Variants in DNM3 observed in about 807,000 individuals in gnomAD.
DNM3 encodes the protein dynamin 3, also known as dynamin-3.
DNM3 carries 47 observed loss-of-function variants against 101.6 expected under a neutral mutation model. That is an observed-to-expected ratio of 0.46 (90% CI 0.37 to 0.59). The LOEUF (loss-of-function observed/expected upper bound fraction) is 0.59. Ranked by LOEUF, DNM3 falls within the 20% of genes least tolerant of loss-of-function variation. DNM3 has a pLI of 0.00. For synonymous variants in DNM3, 385 were observed against 387.9 expected (o/e 0.99, Z 0.09); for missense variants, 849 against 1,085.7 (o/e 0.78, Z 3.06).
At chr1:172,201,123 G>C (rs1026116728) in intron 14 of DNM3, among the ~76,000 whole-genome samples, 1 of 152,122 alleles carries the variant, frequency 6.6e-6, no homozygotes, top group Non-Finnish European at 1.5e-5. Flanking sequence ...TGGTTTAAGA[G>C]GATGATATGT....
chr1:172,242,955 A>T (rs968164309), intron 14 of DNM3, among the ~76,000 whole-genome samples: 2 of 152,144 alleles, frequency 1.3e-5, no homozygotes, highest in Non-Finnish European at 2.9e-5. Context: ...TCTCTTAGAA[A>T]GCTTTTGAAA....
At position 171,970,245 on chromosome 1, in the gene DNM3, G is replaced by A. The variant is rs536252656; in HGVS notation, c.236-17411G>A. On this transcript the variant is annotated intron_variant, in intron 2 of 20. Coordinates refer to ENST00000627582, the MANE Select transcript of DNM3 (RefSeq NM_015569.5). ...CTCAGAACTACTGAAGAATAATAAA[G>A]GTAAGACAATACATATTAAACATTT... is the stretch of plus-strand genomic sequence containing the variant. The A allele has an allele frequency of 7.7e-6, 4 of 522,458 alleles. No individual in the cohort carries two copies. The South Asian group carries it at 3.4e-4, about 44-fold the overall frequency. 32.4% of individuals were successfully genotyped at this position (522,458 alleles called of 1,614,324 possible).
At position 172,122,152 on chromosome 1, in the gene DNM3, T is replaced by A. The variant is rs73039352; in HGVS notation, c.1546-9023T>A. On this transcript the variant is annotated intron_variant, in intron 13 of 20. Coordinates refer to ENST00000627582, the MANE Select transcript of DNM3 (RefSeq NM_015569.5). ...TAATCACATGAGTATTATAGGAAAA[T>A]AGGAAAAATACAGGGAAATGGAAGG... is the stretch of plus-strand genomic sequence containing the variant. Among the ~76,000 whole-genome samples, 1,212 of 152,212 alleles carry A rather than the reference T, an allele frequency of 8.0e-3. 12 individuals are homozygous for A. Among genetic ancestry groups the A allele is most frequent in the African/African-American group, 0.027 (1,129 of 41,544 alleles).
chr1:172,133,066 T>C, intron 14 of DNM3: 2 of 1,450,792 alleles, frequency 1.4e-6, no homozygotes, highest in Middle Eastern at 3.6e-4. Flanking sequence ...CACAGAGGAC[T>C]TATGAAGATG....
intron 12 of DNM3, among the ~76,000 whole-genome samples, chr1:172,082,164 A>G (rs2053200501): frequency 1.3e-5 from 2 of 152,184 alleles, no homozygotes; most frequent in Non-Finnish European, 2.9e-5. Flanking sequence ...TCATTTTTGG[A>G]TGATGTTCTG....
chr1:172,178,896 T>C (rs544860412), intron 14 of DNM3, among the ~76,000 whole-genome samples: 41 of 152,038 alleles, frequency 2.7e-4, no homozygotes, highest in African/African-American at 9.4e-4. Flanking sequence ...TCCAGCTCCA[T>C]GGGCATGTCT....
At chr1:172,147,945 C>A (rs1056556959) in intron 14 of DNM3, among the ~76,000 whole-genome samples, 1 of 152,018 alleles carries the variant, frequency 6.6e-6, no homozygotes, top group Non-Finnish European at 1.5e-5. Context: ...TCATGTACAA[C>A]GTATTTGTTT....
chr1:172,234,277 C>A (rs1256329623), intron 14 of DNM3, among the ~76,000 whole-genome samples: 2 of 152,072 alleles, frequency 1.3e-5, no homozygotes, highest in South Asian at 2.1e-4. Context: ...CGAGTGAACT[C>A]CCATTCACAA....
At chr1:172,280,460 GAATGA>G (rs1408079099) in intron 15 of DNM3, among the ~76,000 whole-genome samples, 2 of 152,144 alleles carry the variant, frequency 1.3e-5, no homozygotes, top group Non-Finnish European at 2.9e-5. Context: ...AGGAATGAAG[GAATGA>G]ATGAGCATGT....
At chr1:171,852,080 A>C (rs2033042769) in intron 1 of DNM3, among the ~76,000 whole-genome samples, 1 of 152,236 alleles carries the variant, frequency 6.6e-6, no homozygotes, top group Non-Finnish European at 1.5e-5. Context: ...ATTAAAATGG[A>C]AATAACTTTA....
chr1:172,062,980 C>A (rs2051361558), intron 10 of DNM3, among the ~76,000 whole-genome samples: 1 of 152,056 alleles, frequency 6.6e-6, no homozygotes, highest in South Asian at 2.1e-4. Flanking sequence ...GTGGTTAATT[C>A]ACAGAAAATG....
chr1:172,318,320 C>T (rs2065498976), intron 16 of DNM3, among the ~76,000 whole-genome samples: 1 of 151,912 alleles, frequency 6.6e-6, no homozygotes, highest in Non-Finnish European at 1.5e-5. Flanking sequence ...CCTTTGAAAA[C>T]TGGCACAAGA....
intron 15 of DNM3, among the ~76,000 whole-genome samples, chr1:172,276,176 A>G: frequency 6.6e-6 from 1 of 152,054 alleles, no homozygotes; most frequent in East Asian, 1.9e-4. Context: ...ATCACTCTTG[A>G]GAGTAAAAGG....
At chr1:172,323,225 T>C in intron 16 of DNM3, 104 bp from the exon 17 acceptor site, 1 of 1,246,054 alleles carries the variant, frequency 8.0e-7, no homozygotes, top group Non-Finnish European at 1.1e-6. Flanking sequence ...CTCATTTTAT[T>C]TTTTTTAATA....
intron 14 of DNM3, among the ~76,000 whole-genome samples, chr1:172,158,508 A>G (rs879838383): frequency 2.0e-5 from 3 of 152,040 alleles, no homozygotes; most frequent in Admixed American, 6.6e-5. Context: ...TCCAGAACAG[A>G]CAGTGTGCAG....
intron 14 of DNM3, chr1:172,131,957 A>G (rs2056960937): frequency 5.5e-6 from 1 of 181,468 alleles, no homozygotes; most frequent in Admixed American, 6.2e-5. Flanking sequence ...AGTCTTACAG[A>G]ACCATTTAAG....
chr1:172,295,186 A>G (rs1241534983), intron 15 of DNM3, among the ~76,000 whole-genome samples: 1 of 152,198 alleles, frequency 6.6e-6, no homozygotes, highest in Non-Finnish European at 1.5e-5. Context: ...CACTACATCA[A>G]CTTGAGAAAC....
At chr1:171,985,190 G>A (rs985417747) in intron 2 of DNM3, among the ~76,000 whole-genome samples, 8 of 152,128 alleles carry the variant, frequency 5.3e-5, no homozygotes, top group Admixed American at 5.2e-4. Context: ...ATAGCCATAA[G>A]TCTTGAAGGG....
chr1:172,116,411 G>A (rs529642129), intron 13 of DNM3, among the ~76,000 whole-genome samples: 2 of 152,270 alleles, frequency 1.3e-5, no homozygotes, highest in South Asian at 2.1e-4. Flanking sequence ...TGTAGACCTG[G>A]TTGTTTTCTG....
Sources: allele counts gnomAD v4.1 joint callset (sites outside exome capture counted in the v4.1 genomes callset), GRCh38; gene constraint gnomAD v4.1.1; transcripts MANE v1.5; gene names NCBI Gene and HGNC (gene_info 2026-07-23, HGNC 2026-07-21).